CTDP1: variants seen among roughly 807,000 people sequenced by gnomAD.
CTDP1 encodes the protein CTD phosphatase 1.
In CTDP1, 47 loss-of-function variants were observed where a neutral mutation model predicts 91.8. The ratio of observed to expected loss-of-function variants is 0.51; its 90% CI spans 0.41 to 0.65. The LOEUF (loss-of-function observed/expected upper bound fraction) is 0.65. Among genes scored for constraint, CTDP1 ranks in the 30% least tolerant of loss-of-function variants. CTDP1 has a pLI of 0.00. For synonymous variants in CTDP1, 656 were observed against 598.5 expected (o/e 1.10, Z -1.40); for missense variants, 1,272 against 1,373.7 (o/e 0.93, Z 1.17).
At chr18:79,710,275 G>A in intron 5 of CTDP1, 71 bp from the exon 6 acceptor site, 1 of 1,192,774 alleles carries the variant, frequency 8.4e-7, no homozygotes, top group Non-Finnish European at 1.3e-6. Flanking sequence ...AAACATTCAA[G>A]GCTTCACCAT....
At chr18:79,687,266 G>A (rs58086051) in intron 1 of CTDP1, among the ~76,000 whole-genome samples, 41,081 of 92,386 alleles carry the variant, frequency 0.44, 9,335 homozygotes, top group Middle Eastern at 0.57. Flanking sequence ...GTTCACTGGT[G>A]GGCCTGCACC....
intron 12 of CTDP1, among the ~76,000 whole-genome samples, chr18:79,740,351 A>G (rs1477657391): frequency 1.3e-5 from 2 of 152,154 alleles, no homozygotes; most frequent in Non-Finnish European, 2.9e-5. Context: ...CTTCCTGTCC[A>G]GCTGGGTTTT....
At position 79,715,485 on chromosome 18, in the gene CTDP1, C is replaced by T. The variant is rs1422356270; in HGVS notation, c.2025C>T (p.Pro675=). The change falls in exon 8 of 13, where the codon CCC becomes CCT. Residue 675 remains proline (P), a synonymous_variant. Coordinates refer to ENST00000613122, the MANE Select transcript of CTDP1 (RefSeq NM_004715.5). ...TCCTCACTCGGCTGGTGCTGAGCCC[C>T]GACGCCCCTGACAGGGCCACGCACC... ...AKILTRLVLS[P]DAPDRATHLI... The T allele has an allele frequency of 5.1e-6, 8 of 1,577,556 alleles. No homozygotes were observed. In the Admixed American group the frequency reaches 7.2e-5, roughly 14 times the overall value.
rs2086477206 is a variant in CTDP1 at position 79,727,575 on chromosome 18, G to GAAGTCC, written c.2418-1331_2418-1326dup. Among the ~76,000 whole-genome samples the GAAGTCC allele has an allele frequency of 2.0e-5, 3 of 152,332 alleles. No homozygotes were observed. The South Asian group carries it at 6.2e-4, about 32-fold the overall frequency. On this transcript the variant is annotated intron_variant, in intron 10 of 12. Coordinates refer to ENST00000613122, the MANE Select transcript of CTDP1 (RefSeq NM_004715.5). ...AAGAGTGGACTTTGACAAGGCTTGG[G>GAAGTCC]AAGTCCTGAATTCCAAACAGCGCAG...
chr18:79,714,673 G>C lies in CTDP1; in HGVS notation c.1213G>C (p.Asp405His). The C allele has an allele frequency of 6.2e-7, 1 of 1,611,502 alleles. No homozygotes were observed. Among genetic ancestry groups the C allele is most frequent in the Non-Finnish European group, 8.5e-7 (1 of 1,179,346 alleles). Residue 405 changes from aspartate (D) to histidine (H), a missense_variant, in exon 8 of 13, where the codon GAC becomes CAC. Transcript: ENST00000613122. ...SPRPGKPDER[D>H]IWPPAQAPTS... ...CCGCCCCGGGAAGCCAGACGAGAGG[G>C]ACATCTGGCCCCCTGCCCAGGCCCC...
intron 11 of CTDP1, among the ~76,000 whole-genome samples, chr18:79,731,021 C>T (rs1348022610): frequency 6.6e-6 from 1 of 152,210 alleles, no homozygotes; most frequent in East Asian, 1.9e-4. Context: ...GCAGATGAGG[C>T]AGCTTCACCC....
intron 10 of CTDP1, among the ~76,000 whole-genome samples, chr18:79,725,918 GTTTTCTCT>G (rs1460780520): frequency 1.3e-5 from 2 of 152,198 alleles, no homozygotes; most frequent in Non-Finnish European, 2.9e-5. Flanking sequence ...GGTAAGCTGT[GTTTTCTCT>G]TTCACTGCCT....
intron 1 of CTDP1, among the ~76,000 whole-genome samples, chr18:79,694,703 C>T (rs1568178709): frequency 6.6e-6 from 1 of 152,210 alleles, no homozygotes; most frequent in Non-Finnish European, 1.5e-5. Flanking sequence ...CTTCAGATTT[C>T]AGCACTTCTT....
At chr18:79,739,039 G>A (rs1568215085) in intron 12 of CTDP1, among the ~76,000 whole-genome samples, 3 of 152,204 alleles carry the variant, frequency 2.0e-5, no homozygotes, top group Admixed American at 2.0e-4. Context: ...CGGTGCACTG[G>A]GGGCCTCTGG....
intron 10 of CTDP1, among the ~76,000 whole-genome samples, chr18:79,720,092 T>C (rs2086306071): frequency 6.7e-6 from 1 of 149,752 alleles, no homozygotes; most frequent in Non-Finnish European, 1.5e-5. Context: ...GTCCTGGTGA[T>C]GATGTCACCT....
intron 4 of CTDP1, among the ~76,000 whole-genome samples, chr18:79,698,260 G>A (rs982627169): frequency 7.9e-5 from 12 of 152,162 alleles, no homozygotes; most frequent in Admixed American, 2.6e-4. Context: ...GCACGATGTC[G>A]GAGAAGGCAG....
chr18:79,755,247 T>G (rs528692331), downstream of CTDP1: 1 of 152,034 alleles, frequency 6.6e-6, no homozygotes, highest in Admixed American at 6.6e-5. Context: ...ACTAACTAGG[T>G]TATTTGCAGC....
intron 5 of CTDP1, among the ~76,000 whole-genome samples, chr18:79,708,652 A>T (rs1436230425): frequency 6.6e-6 from 1 of 152,272 alleles, no homozygotes; most frequent in Non-Finnish European, 1.5e-5. Context: ...GAGATGTCTC[A>T]TCTACCTCCT....
Position 79,714,867 on chromosome 18 carries a change from C to T in CTDP1, c.1407C>T (p.Ser469=), listed in dbSNP as rs973830692. 3.8e-6 allele frequency: 6 copies of T among 1,584,276 alleles called. No individual in the cohort carries two copies. Among genetic ancestry groups the T allele is most frequent in the Non-Finnish European group, 5.1e-6 (6 of 1,166,208 alleles). The change falls in exon 8 of 13, where the codon TCC becomes TCT. Residue 469 remains serine, a synonymous_variant. Transcript: ENST00000613122. Reference sequence around the variant, plus strand: ...GCAGTGAGTCCGAGGGCACGAAGTCCTCCTCCTCCGCCTCTGATGGCGAAA... The same window carrying T: ...GCAGTGAGTCCGAGGGCACGAAGTCTTCCTCCTCCGCCTCTGATGGCGAAA... ...ESSSESEGTK[S]SSSASDGESE...
At chr18:79,705,591 A>T (rs1258276478) in intron 5 of CTDP1, among the ~76,000 whole-genome samples, 1 of 151,526 alleles carries the variant, frequency 6.6e-6, no homozygotes, top group Non-Finnish European at 1.5e-5. Context: ...ACAGTGCGGG[A>T]CGGCGACCGT....
chr18:79,680,191 A>G lies in CTDP1; in HGVS notation c.244A>G (p.Arg82Gly). The change falls in exon 1 of 13, where the codon AGG becomes GGG. Residue 82 changes from arginine (R) to glycine (G), a missense_variant. By Grantham distance (125) the Arg-to-Gly change is moderately radical (BLOSUM62 -2). Around this residue, in one of 3 missense-constraint regions of CTDP1, gnomAD observed 214 missense variants for 179.1 expected, o/e 1.19. Transcript: ENST00000613122. ...CGTGCGCCCCGCGCGGCCGGAACGCAGGCTGAGGTCGGAGCGCGCGGGCGT... is the reference window on the plus strand; with the variant it reads ...CGTGCGCCCCGCGCGGCCGGAACGCGGGCTGAGGTCGGAGCGCGCGGGCGT... Reference protein sequence around the residue: ...GCVRPARPERRLRSERAGVVR... With the variant: ...GCVRPARPERGLRSERAGVVR... 2 of 1,380,110 alleles carry G rather than the reference A, an allele frequency of 1.4e-6. No homozygotes were observed. Among genetic ancestry groups the G allele is most frequent in the Non-Finnish European group, 9.3e-7 (1 of 1,073,022 alleles). 85.5% of individuals were successfully genotyped at this position (1,380,110 alleles called of 1,614,324 possible).
In CTDP1 at chr18:79,743,363, T is replaced by G. The variant is rs141518125; in HGVS notation, c.2747+6842T>G. ...CAACATGGTGAAACCCCATCTCTAC[T>G]AAAATACAAAAAATTAGCTGGACAT... On this transcript the variant is annotated intron_variant, in intron 12 of 12. Transcript: ENST00000613122. Among the ~76,000 whole-genome samples the G allele has an allele frequency of 1.6e-3, 242 of 151,930 alleles. 1 individual carries two copies. The highest frequency in any genetic ancestry group is 5.4e-3 in the African/African-American group (222 of 41,422).
chr18:79,718,614 T>A lies in CTDP1; in HGVS notation c.2417+598T>A, dbSNP rs1018923983. On this transcript the variant is annotated intron_variant, in intron 10 of 12. Transcript: ENST00000613122. ...CCTGAGCATGTGGCCTCTGTGCCTG[T>A]TTGCCCGCGTGGACCCGAGATCAGC... Among the ~76,000 whole-genome samples, 3 of 152,238 alleles carry A rather than the reference T, an allele frequency of 2.0e-5. No homozygotes were observed. The South Asian group carries it at 6.2e-4, about 32-fold the overall frequency.
At chr18:79,741,248 T>G (rs72976170) in intron 12 of CTDP1, among the ~76,000 whole-genome samples, 1 of 138,458 alleles carries the variant, frequency 7.2e-6, no homozygotes, top group Admixed American at 7.1e-5. Context: ...TCCCTGAGCC[T>G]GTGGTTGGGT....
Sources: gnomAD v4.1 joint callset for allele counts (sites outside exome capture counted in the v4.1 genomes callset) on GRCh38, gnomAD v4.1.1 for gene constraint, gnomAD v4.1.1 regional missense constraint, MANE v1.5 for transcripts, NCBI Gene and HGNC (gene_info 2026-07-23, HGNC 2026-07-21) for gene names.